The following DNAH14 variants were observed in gnomAD, a reference collection of about 807,000 sequenced individuals.
The protein encoded by DNAH14 is axonemal beta dynein heavy chain 14.
Under a neutral mutation model 520.9 loss-of-function variants are expected in DNAH14, and 478 were observed. That is an observed-to-expected ratio of 0.92 (90% confidence interval 0.85 to 0.99). The LOEUF is 0.99. Ranked by LOEUF, DNAH14 falls within the 50% of genes least tolerant of loss-of-function variation. DNAH14 has a pLI of 0.00. For synonymous variants in DNAH14, 1,581 were observed against 1,757.2 expected, an observed-to-expected ratio of 0.90 and a Z score of 2.51; for missense variants, 4,831 against 5,234.5, an observed-to-expected ratio of 0.92 and a Z score of 2.38.
intron 1 of DNAH14, among the ~76,000 whole-genome samples, chr1:224,945,876 C>T (rs376380322): frequency 9.7e-3 from 1,475 of 152,008 alleles, no homozygotes; most frequent in Non-Finnish European, 0.014. Context: ...AGTACCCGGC[C>T]GTGTGAGGTG....
chr1:225,371,681 A>C (rs536654607), intron 77 of DNAH14, among the ~76,000 whole-genome samples: 1 of 152,272 alleles, frequency 6.6e-6, no homozygotes, highest in African/African-American at 2.4e-5. Context: ...ATACTAGTAA[A>C]ACAAAATCTA....
intron 10 of DNAH14, among the ~76,000 whole-genome samples, chr1:225,016,728 T>C (rs1446713431): frequency 1.3e-5 from 2 of 152,118 alleles, no homozygotes; most frequent in Non-Finnish European, 2.9e-5. Context: ...TCTTCACTGT[T>C]TTTTTTCTTT....
chr1:224,995,241 G>T (rs745767994), intron 8 of DNAH14, among the ~76,000 whole-genome samples: 1 of 152,012 alleles, frequency 6.6e-6, no homozygotes, highest in Non-Finnish European at 1.5e-5. Flanking sequence ...TGATTAACTT[G>T]CTTAGCATTT....
chr1:225,387,736 AGAAG>A (rs1012452072), intron 81 of DNAH14, among the ~76,000 whole-genome samples: 1 of 152,184 alleles, frequency 6.6e-6, no homozygotes, highest in Non-Finnish European at 1.5e-5. Context: ...TATGGAAAAT[AGAAG>A]GTCGCTTGTG....
At chr1:225,165,299 T>G (rs2081937244) in intron 35 of DNAH14, among the ~76,000 whole-genome samples, 1 of 152,150 alleles carries the variant, frequency 6.6e-6, no homozygotes, top group South Asian at 2.1e-4. Context: ...TCACTTTGCC[T>G]TTAATGTTCA....
chr1:225,252,221 T>C, intron 43 of DNAH14, 80 bp from the exon 44 acceptor site: 1 of 794,634 alleles, frequency 1.3e-6, no homozygotes, highest in Non-Finnish European at 2.2e-6. Context: ...ATCAGATCTT[T>C]CAGAGAGAGT....
intron 43 of DNAH14, among the ~76,000 whole-genome samples, chr1:225,244,887 C>T (rs1315034847): frequency 1.3e-5 from 2 of 152,070 alleles, no homozygotes; most frequent in African/African-American, 4.8e-5. Context: ...TTGTCTTCTG[C>T]TAGCTTTTGA....
intron 8 of DNAH14, among the ~76,000 whole-genome samples, chr1:224,997,203 G>T (rs2063451198): frequency 6.6e-6 from 1 of 152,022 alleles, no homozygotes; most frequent in East Asian, 1.9e-4. Context: ...AGGTGGTCTA[G>T]CCATGCTGTT....
At chr1:225,068,052 G>A (rs1409835721) in intron 17 of DNAH14, among the ~76,000 whole-genome samples, 2 of 152,070 alleles carry the variant, frequency 1.3e-5, no homozygotes, top group Non-Finnish European at 2.9e-5. Flanking sequence ...TATTGCCTAG[G>A]TCATCTTCCA....
chr1:225,126,686 GT>G (rs1286428531), intron 27 of DNAH14, among the ~76,000 whole-genome samples: 1 of 152,048 alleles, frequency 6.6e-6, no homozygotes, highest in East Asian at 1.9e-4. Flanking sequence ...TTTTTGAAGG[GT>G]TTTTTATGTC....
chr1:225,027,440 T>G (rs1466548390), intron 11 of DNAH14, among the ~76,000 whole-genome samples: 1 of 152,138 alleles, frequency 6.6e-6, no homozygotes, highest in African/African-American at 2.4e-5. Context: ...TGTATTAGTT[T>G]GTTGTCATAT....
intron 12 of DNAH14, among the ~76,000 whole-genome samples, chr1:225,042,425 A>G (rs969950829): frequency 2.0e-5 from 3 of 152,188 alleles, no homozygotes; most frequent in Non-Finnish European, 4.4e-5. Flanking sequence ...GGTTTAAAGT[A>G]TGTTTTCTAG....
chr1:225,126,787 T>A (rs1322646146), intron 27 of DNAH14, among the ~76,000 whole-genome samples: 1 of 152,140 alleles, frequency 6.6e-6, no homozygotes, highest in African/African-American at 2.4e-5. Context: ...CTAGTTCTTT[T>A]AATTGTGATG....
intron 21 of DNAH14, among the ~76,000 whole-genome samples, chr1:225,089,464 A>AAAAAAAAAAAAAAAAAAAAAG (rs775049047): frequency 3.6e-4 from 50 of 138,312 alleles, no homozygotes; most frequent in Non-Finnish European, 7.3e-4. Context: ...AAAAAAAAAA[A>AAAAAAAAAAAAAAAAAAAAAG]AGAGAGCGAG....
At chr1:224,999,499 C>A (rs2063610856) in intron 8 of DNAH14, among the ~76,000 whole-genome samples, 1 of 152,118 alleles carries the variant, frequency 6.6e-6, no homozygotes, top group Non-Finnish European at 1.5e-5. Flanking sequence ...GCCACTGTTG[C>A]CTAGCATATG....
intron 41 of DNAH14, among the ~76,000 whole-genome samples, chr1:225,230,661 T>C (rs2091014085): frequency 6.6e-6 from 1 of 152,160 alleles, no homozygotes; most frequent in Non-Finnish European, 1.5e-5. Flanking sequence ...TTTAATAAAT[T>C]TGTTACTTGA....
intron 25 of DNAH14, among the ~76,000 whole-genome samples, chr1:225,118,996 G>A (rs1239508023): frequency 6.7e-6 from 1 of 149,718 alleles, no homozygotes; most frequent in Non-Finnish European, 1.5e-5. Context: ...CTTATTTATT[G>A]TGTAAATTCA....
At position 225,007,420 on chromosome 1, in the gene DNAH14, G is replaced by C. The variant is rs770759300; in HGVS notation, c.983G>C (p.Ser328Thr). 5.9e-6 allele frequency: 9 copies of C among 1,534,490 alleles called. No homozygotes were observed. Among genetic ancestry groups the C allele is most frequent in the Non-Finnish European group, 7.9e-6 (9 of 1,137,930 alleles). Residue 328 changes from serine (S) to threonine (T), a missense_variant, in exon 10 of 86, where the codon AGT becomes ACT. By Grantham distance (58) the Ser-to-Thr change is moderately conservative. Transcript: ENST00000682510. ...LSAICLVKLD[S>T]SRTYSLDEFC... Reference sequence around the variant, plus strand: ...TTACTATCATCTAATTAGCTGGATAGTTCTCGAACATATTCTCTAGATGAA... The same window carrying C: ...TTACTATCATCTAATTAGCTGGATACTTCTCGAACATATTCTCTAGATGAA...
At chr1:224,946,082 C>A (rs1024961376) in intron 1 of DNAH14, among the ~76,000 whole-genome samples, 1 of 152,188 alleles carries the variant, frequency 6.6e-6, no homozygotes, top group East Asian at 1.9e-4. Context: ...GCCCTGCCCC[C>A]AGAGGTGGAG....
Sources: gnomAD v4.1 joint callset for allele counts (sites outside exome capture counted in the v4.1 genomes callset) on GRCh38, gnomAD v4.1.1 for gene constraint, MANE v1.5 for transcripts, NCBI Gene and HGNC (gene_info 2026-07-23, HGNC 2026-07-21) for gene names.